The following CELF4 variants were observed in gnomAD, a reference collection of about 807,000 sequenced individuals.
The protein encoded by CELF4 is CUG-BP- and ETR-3-like factor 4.
Under a neutral mutation model 59.9 loss-of-function variants are expected in CELF4, and 18 were observed. The observed-to-expected ratio is 0.30, with a 90% confidence interval of 0.21 to 0.45. The LOEUF is 0.45. Among genes scored for constraint, CELF4 ranks in the 20% least tolerant of loss-of-function variants. The pLI, the probability that CELF4 is intolerant of heterozygous loss-of-function variation, is 1.00. For missense variants in CELF4, 456 were observed against 689.0 expected (o/e 0.66, Z 3.79); for synonymous variants, 261 against 267.1 (o/e 0.98, Z 0.22).
intron 2 of CELF4, among the ~76,000 whole-genome samples, chr18:37,361,240 C>T (rs1170890828): frequency 1.3e-5 from 2 of 152,200 alleles, no homozygotes; most frequent in Non-Finnish European, 2.9e-5. Context: ...ACCCAAAGGG[C>T]AGAGTTAAAC....
intron 2 of CELF4, among the ~76,000 whole-genome samples, chr18:37,374,595 G>A (rs1013918627): frequency 5.3e-5 from 8 of 152,212 alleles, no homozygotes; most frequent in African/African-American, 9.6e-5. Context: ...CCCTGGTCTG[G>A]CCACCATGTG....
rs150327345 is a variant in CELF4, at chr18:37,243,167, C to CTTTTTTTTT, written c.*2066_*2074dup. The CTTTTTTTTT allele has an allele frequency of 8.7e-6, 1 of 115,500 alleles. No individual in the cohort carries two copies. Among genetic ancestry groups the CTTTTTTTTT allele is most frequent in the African/African-American group, 2.9e-5 (1 of 34,076 alleles). The allele number at this position is 115,500 out of a possible 1,614,324, so 7.2% of individuals were successfully genotyped here. On this transcript the variant is annotated 3_prime_UTR_variant, in exon 13 of 13. Transcript: ENST00000420428. Reference sequence around the variant, plus strand: ...AGTTGTACTGAACTGCAGCTGTTTTCTTTTTTTTTTCTTTTTTTCTTTTTT... The same window carrying CTTTTTTTTT: ...AGTTGTACTGAACTGCAGCTGTTTTCTTTTTTTTTTTTTTTTTTTCTTTTTTTCTTTTTT...
At chr18:37,527,303 T>C (rs1201947211) in intron 1 of CELF4, among the ~76,000 whole-genome samples, 1 of 151,500 alleles carries the variant, frequency 6.6e-6, no homozygotes, top group African/African-American at 2.4e-5. Flanking sequence ...TAGAGAAGGG[T>C]CACCAGCCCA....
chr18:37,553,077 A>G (rs765028590), intron 1 of CELF4, among the ~76,000 whole-genome samples: 12 of 152,206 alleles, frequency 7.9e-5, no homozygotes, highest in Non-Finnish European at 1.6e-4. Context: ...AGATTTCCAA[A>G]CTTGCCCAAC....
At chr18:37,527,227 C>A (rs890784503) in intron 1 of CELF4, among the ~76,000 whole-genome samples, 4 of 151,858 alleles carry the variant, frequency 2.6e-5, no homozygotes, top group African/African-American at 9.7e-5. Context: ...GCCGCACTCC[C>A]TGATATCAAC....
chr18:37,504,321 T>A (rs1018299258), intron 1 of CELF4, among the ~76,000 whole-genome samples: 4 of 151,860 alleles, frequency 2.6e-5, no homozygotes, highest in Non-Finnish European at 5.9e-5. Flanking sequence ...TGAAACCCCG[T>A]CTCTACTAAA....
At chr18:37,532,920 T>G (rs2099970694) in intron 1 of CELF4, among the ~76,000 whole-genome samples, 1 of 152,256 alleles carries the variant, frequency 6.6e-6, no homozygotes, top group South Asian at 2.1e-4. Context: ...GTGGCTGCCC[T>G]GGAAAGAGGG....
chr18:37,441,202 C>G (rs2099714749), intron 2 of CELF4, among the ~76,000 whole-genome samples: 1 of 152,044 alleles, frequency 6.6e-6, no homozygotes, highest in African/African-American at 2.4e-5. Flanking sequence ...AAGCTCCAGC[C>G]AGCCAGCTCC....
intron 11 of CELF4, among the ~76,000 whole-genome samples, chr18:37,255,697 T>TA (rs761088540): frequency 6.6e-6 from 1 of 152,152 alleles, no homozygotes; most frequent in Non-Finnish European, 1.5e-5. Context: ...TGTGTGTTGA[T>TA]ACTGCTTTCC....
At chr18:37,486,662 A>G (rs1003891721) in intron 1 of CELF4, among the ~76,000 whole-genome samples, 13 of 152,248 alleles carry the variant, frequency 8.5e-5, no homozygotes, top group Non-Finnish European at 1.3e-4. Flanking sequence ...GCAGGCTTGA[A>G]TGTTCTGGTG....
intron 1 of CELF4, among the ~76,000 whole-genome samples, chr18:37,531,245 C>T (rs748575220): frequency 3.9e-5 from 6 of 152,086 alleles, no homozygotes; most frequent in African/African-American, 1.4e-4. Flanking sequence ...TCAGCTGGGG[C>T]CCCCCTCCAG....
chr18:37,542,359 TGGCTGCTCTGA>T (rs2099978421), intron 1 of CELF4, among the ~76,000 whole-genome samples: 1 of 152,214 alleles, frequency 6.6e-6, no homozygotes, highest in Admixed American at 6.5e-5. Flanking sequence ...CTTCACGAGC[TGGCTGCTCTGA>T]TCTTCCATGG....
chr18:37,470,887 TGACAGA>T (rs1160749017), intron 2 of CELF4, among the ~76,000 whole-genome samples: 19 of 71,966 alleles, frequency 2.6e-4, no homozygotes, highest in African/African-American at 9.7e-4. Context: ...TGTGTGTGTG[TGACAGA>T]GAGAGAGAGA....
At chr18:37,503,869 C>T (rs183701348) in intron 1 of CELF4, among the ~76,000 whole-genome samples, 2 of 152,266 alleles carry the variant, frequency 1.3e-5, no homozygotes, top group East Asian at 3.9e-4. Context: ...CATGCTCTCC[C>T]AAGACTCTCC....
At chr18:37,413,392 G>A (rs1411344689) in intron 2 of CELF4, among the ~76,000 whole-genome samples, 4 of 152,122 alleles carry the variant, frequency 2.6e-5, no homozygotes, top group African/African-American at 9.7e-5. Flanking sequence ...CTGGAGCTCC[G>A]TGGTTAAGGC....
At chr18:37,287,467 C>T (rs988110996) in intron 3 of CELF4, among the ~76,000 whole-genome samples, 10 of 152,184 alleles carry the variant, frequency 6.6e-5, no homozygotes, top group South Asian at 2.1e-4. Flanking sequence ...TTTCGGGAGG[C>T]GGGGTGAGGG....
intron 2 of CELF4, among the ~76,000 whole-genome samples, chr18:37,455,791 C>G (rs945714110): frequency 6.6e-6 from 1 of 152,162 alleles, no homozygotes; most frequent in Non-Finnish European, 1.5e-5. Flanking sequence ...TGGGACAGGC[C>G]GAGGTTTGGG....
At chr18:37,533,902 T>C (rs2099971432) in intron 1 of CELF4, among the ~76,000 whole-genome samples, 1 of 152,158 alleles carries the variant, frequency 6.6e-6, no homozygotes, top group South Asian at 2.1e-4. Flanking sequence ...AGTGGGGTGG[T>C]CCTGGAGTCG....
At chr18:37,486,847 G>A (rs966302489) in intron 1 of CELF4, among the ~76,000 whole-genome samples, 4 of 152,088 alleles carry the variant, frequency 2.6e-5, no homozygotes, top group Non-Finnish European at 2.9e-5. Context: ...TCCTCACCTG[G>A]TATACCCCTC....
Sources: allele counts gnomAD v4.1 joint callset (sites outside exome capture counted in the v4.1 genomes callset), GRCh38; gene constraint gnomAD v4.1.1; transcripts MANE v1.5; gene names NCBI Gene and HGNC (gene_info 2026-07-23, HGNC 2026-07-21).